The following TGFBR3 variants were observed in gnomAD, a reference collection of about 807,000 sequenced individuals.
TGFBR3 encodes transforming growth factor beta receptor type 3.
TGFBR3 carries 46 observed loss-of-function variants against 87.9 expected under a neutral mutation model. The observed-to-expected ratio is 0.52, with a 90% CI of 0.41 to 0.67. The LOEUF (loss-of-function observed/expected upper bound fraction) is 0.67, where lower values mean the gene tolerates loss of function less well. Among genes scored for constraint, TGFBR3 ranks in the 30% least tolerant of loss-of-function variants. The pLI is 0.00. For synonymous variants in TGFBR3, 381 were observed against 391.6 expected, an observed-to-expected ratio of 0.97 and a Z score of 0.32; for missense variants, 866 against 1,041.9, an observed-to-expected ratio of 0.83 and a Z score of 2.32.
At chr1:91,781,604 G>A (rs1029526201) in intron 3 of TGFBR3, among the ~76,000 whole-genome samples, 4 of 152,112 alleles carry the variant, frequency 2.6e-5, no homozygotes, top group African/African-American at 7.2e-5. Context: ...TATGTAGGAC[G>A]TATACACAGT....
At position 91,682,181 on chromosome 1, in the gene TGFBR3, T is replaced by C. The variant is rs766408784; in HGVS notation, c.*1558A>G. ...AGACACTGCCCTAAGGTTTTAAGCTTCATCAGGATTACCTACTGAGGTTCC... is the reference window on the plus strand; with the variant it reads ...AGACACTGCCCTAAGGTTTTAAGCTCCATCAGGATTACCTACTGAGGTTCC... On this transcript the variant is annotated 3_prime_UTR_variant, in exon 17 of 17. Transcript: ENST00000212355. 2.2e-6 allele frequency: 1 copy of C among 454,122 alleles called. No homozygotes were observed. Among genetic ancestry groups the C allele is most frequent in the South Asian group, 1.6e-5 (1 of 64,480 alleles). The allele number at this position is 454,122 out of a possible 1,614,324, so 28.1% of individuals were successfully genotyped here.
chr1:91,817,853 A>C (rs1271201230), intron 2 of TGFBR3, among the ~76,000 whole-genome samples: 12 of 149,036 alleles, frequency 8.1e-5, no homozygotes, highest in African/African-American at 2.7e-4. Flanking sequence ...TTTAATCAGT[A>C]CTTTCTGAAG....
chr1:91,730,117 G>A lies in TGFBR3; in HGVS notation c.569-144C>T, dbSNP rs575670389. On this transcript the variant is annotated intron_variant, in intron 5 of 16. Coordinates refer to ENST00000212355, the MANE Select transcript of TGFBR3 (RefSeq NM_003243.5). ...GGATGGTTCTTCGTCTGTGAAGTCC[G>A]CAACCACTGCCCTGAAATGCATCCT... 3.6e-4 allele frequency: 322 copies of A among 901,174 alleles called. 3 individuals carry two copies. In the Middle Eastern group the frequency reaches 5.1e-3, roughly 14 times the overall value. The allele number at this position is 901,174 out of a possible 1,614,324, so 55.8% of individuals were successfully genotyped here. A position where few individuals can be genotyped will look rare whatever the true frequency, so the allele number is the denominator to read the frequency against.
At position 91,716,403 on chromosome 1, in the gene TGFBR3, A is replaced by G. The variant is rs1210046881; in HGVS notation, c.1708-9T>C. The G allele has an allele frequency of 1.9e-6, 3 of 1,614,030 alleles. No homozygotes were observed. Among genetic ancestry groups the G allele is most frequent in the Non-Finnish European group, 2.5e-6 (3 of 1,180,002 alleles). ...TGAAGGCTGCAATTAAACTGGAAAT[A>G]ACAACCCACAGGAAGATTAATGACA... On this transcript the variant is annotated splice_polypyrimidine_tract_variant and intron_variant, in intron 11 of 16. Transcript: ENST00000212355.
At chr1:91,716,186 C>CTA (rs1222642642) in intron 12 of TGFBR3, 50 bp downstream of exon 12, 2 of 1,611,120 alleles carry the variant, frequency 1.2e-6, no homozygotes, top group African/African-American at 2.7e-5. Flanking sequence ...GTCTAAGGAA[C>CTA]TATAGCCCAG....
At chr1:91,705,442 G>A (rs1172069307) in intron 14 of TGFBR3, among the ~76,000 whole-genome samples, 1 of 151,796 alleles carries the variant, frequency 6.6e-6, no homozygotes, top group Non-Finnish European at 1.5e-5. Flanking sequence ...TGTTGGCCAG[G>A]CTGGTCTTGA....
rs566573551 is a variant in TGFBR3 at position 91,834,147 on chromosome 1, T to C, written c.61+27324A>G. ...ACAATTCATGTTTCTGGCAAACTTG[T>C]TCTTTTAACACTCAAAGCTAAACTC... On this transcript the variant is annotated intron_variant, in intron 2 of 16. Coordinates refer to ENST00000212355, the MANE Select transcript of TGFBR3 (RefSeq NM_003243.5). Among the ~76,000 whole-genome samples the C allele has an allele frequency of 3.5e-4, 54 of 152,350 alleles. 1 individual carries two copies. In the South Asian group the frequency reaches 1.0e-2, roughly 28 times the overall value.
At chr1:91,883,918 G>A (rs1571603414) in intron 1 of TGFBR3, among the ~76,000 whole-genome samples, 1 of 152,144 alleles carries the variant, frequency 6.6e-6, no homozygotes, top group East Asian at 1.9e-4. Flanking sequence ...GCCCTTAAGG[G>A]GGTAAGAATT....
In TGFBR3 at chr1:91,734,774, A is replaced by G; in HGVS notation, c.568+2T>C. 1 of 1,614,136 alleles carries G rather than the reference A, an allele frequency of 6.2e-7. No individual in the cohort carries two copies. Among genetic ancestry groups the G allele is most frequent in the Non-Finnish European group, 8.5e-7 (1 of 1,179,952 alleles). ...CATTAACTGAAGCCACATAAAATTT[A>G]CCTTCCCCCACTTTAATATAAATGT... On this transcript the variant is annotated splice_donor_variant, in intron 5 of 16. Transcript: ENST00000212355. LOFTEE classifies it high-confidence loss of function.
chr1:91,764,860 C>A (rs1351395775), intron 3 of TGFBR3, among the ~76,000 whole-genome samples: 1 of 152,060 alleles, frequency 6.6e-6, no homozygotes, highest in Non-Finnish European at 1.5e-5. Context: ...AAATCTTTCC[C>A]CCTCCCTCAG....
In TGFBR3 at chr1:91,766,193, G is replaced by GTT. The variant is rs1178290264; in HGVS notation, c.247-7445_247-7444dup. Among the ~76,000 whole-genome samples the GTT allele has an allele frequency of 3.4e-4, 32 of 93,702 alleles. 1 individual carries two copies. Among genetic ancestry groups the GTT allele is most frequent in the South Asian group, 6.8e-4 (2 of 2,926 alleles). The allele number at this position is 93,702 out of a possible 152,430, so 61.5% of individuals were successfully genotyped here. ...TAAACCACCATAACCAGCTAAGTTTGTTTTCTTTTTTTTTTTTTTTTTTTG... is the reference window on the plus strand; with the variant it reads ...TAAACCACCATAACCAGCTAAGTTTGTTTTTTCTTTTTTTTTTTTTTTTTTTG... On this transcript the variant is annotated intron_variant, in intron 3 of 16. Transcript: ENST00000212355.
chr1:91,700,905 C>T (rs979462465), intron 14 of TGFBR3, among the ~76,000 whole-genome samples: 1 of 152,138 alleles, frequency 6.6e-6, no homozygotes, highest in Non-Finnish European at 1.5e-5. Context: ...GTATTTGATT[C>T]CCTGAACTAA....
chr1:91,786,756 A>G (rs182058316), intron 3 of TGFBR3, among the ~76,000 whole-genome samples: 10 of 152,056 alleles, frequency 6.6e-5, no homozygotes, highest in African/African-American at 2.2e-4. Flanking sequence ...GTCTCCAAAA[A>G]AAAAGACAAA....
intron 2 of TGFBR3, among the ~76,000 whole-genome samples, chr1:91,851,873 C>T (rs1320675375): frequency 6.6e-6 from 1 of 152,234 alleles, no homozygotes; most frequent in Non-Finnish European, 1.5e-5. Context: ...TAGCAATAAT[C>T]TTACTCATTC....
At chr1:91,779,432 AG>A (rs1357374022) in intron 3 of TGFBR3, among the ~76,000 whole-genome samples, 2 of 152,336 alleles carry the variant, frequency 1.3e-5, no homozygotes, top group East Asian at 3.9e-4. Flanking sequence ...CAGTGTAGCC[AG>A]GCTTCCAACA....
At chr1:91,803,108 A>G (rs1392834840) in intron 2 of TGFBR3, among the ~76,000 whole-genome samples, 2 of 152,220 alleles carry the variant, frequency 1.3e-5, no homozygotes, top group Non-Finnish European at 2.9e-5. Context: ...GTCCAGATGA[A>G]GCCCCAAAAC....
At chr1:91,691,520 C>T (rs1018329078) in intron 16 of TGFBR3, among the ~76,000 whole-genome samples, 4 of 152,182 alleles carry the variant, frequency 2.6e-5, no homozygotes, top group African/African-American at 9.7e-5. Flanking sequence ...CTGTACCTTG[C>T]CAAACTGTCT....
At chr1:91,741,153 C>T (rs971182878) in intron 4 of TGFBR3, among the ~76,000 whole-genome samples, 4 of 152,230 alleles carry the variant, frequency 2.6e-5, no homozygotes. Flanking sequence ...CTCAGTCCCA[C>T]AAGACTGCCC....
chr1:91,860,734 C>G (rs1330635068), intron 2 of TGFBR3, among the ~76,000 whole-genome samples: 1 of 151,950 alleles, frequency 6.6e-6, no homozygotes, highest in East Asian at 1.9e-4. Context: ...GAGTTCAAGA[C>G]CAGCATGGCC....
Sources: allele counts gnomAD v4.1 joint callset (sites outside exome capture counted in the v4.1 genomes callset), GRCh38; gene constraint gnomAD v4.1.1; transcripts MANE v1.5; gene names NCBI Gene and HGNC (gene_info 2026-07-23, HGNC 2026-07-21).